Variants in DSTYK observed in about 807,000 individuals in gnomAD.
DSTYK encodes the protein RIP-homologous kinase.
In DSTYK, 34 loss-of-function variants were observed where a neutral mutation model predicts 98.7. The observed-to-expected ratio is 0.34, with a 90% CI of 0.26 to 0.46. The LOEUF (loss-of-function observed/expected upper bound fraction) is 0.46, where lower values mean the gene tolerates loss of function less well. Ranked by LOEUF, DSTYK falls within the 20% of genes least tolerant of loss-of-function variation. The pLI, the probability that DSTYK is intolerant of heterozygous loss-of-function variation, is 1.00. For missense variants in DSTYK, 962 were observed against 1,181.7 expected, an observed-to-expected ratio of 0.81 and a Z score of 2.73; for synonymous variants, 462 against 457.3, an observed-to-expected ratio of 1.01 and a Z score of -0.13.
chr1:205,195,940 G>C (rs1658853053), intron 1 of DSTYK, among the ~76,000 whole-genome samples: 1 of 152,234 alleles, frequency 6.6e-6, no homozygotes, highest in South Asian at 2.1e-4. Flanking sequence ...CGCAGAGATG[G>C]AAGTAGTTCC....
chr1:205,186,316 G>A (rs944800157), intron 2 of DSTYK, among the ~76,000 whole-genome samples: 9 of 152,198 alleles, frequency 5.9e-5, no homozygotes, highest in African/African-American at 2.2e-4. Context: ...CACTGAAACT[G>A]AGCTGAGAGA....
At position 205,169,407 on chromosome 1, in the gene DSTYK, C is replaced by T. The variant is rs764466450; in HGVS notation, c.1080G>A (p.Lys360=). The change falls in exon 3 of 13, where the codon AAG becomes AAA. Residue 360 remains lysine (K), a synonymous_variant. Transcript: ENST00000367162. The surrounding 1 kb of genome is among the most constrained non-coding windows in gnomAD (Gnocchi z 4.0). ...VLQTRLVDAA[K]ALNLVHCHCL... ...AGTGGCAGTGCACCAGGTTCAGGGC[C>T]TTGGCTGCATCCACCAGGCGAGTCT... 5.6e-6 allele frequency: 9 copies of T among 1,614,168 alleles called. No homozygotes were observed. In the South Asian group the frequency reaches 7.7e-5, roughly 14 times the overall value.
At chr1:205,182,054 A>G (rs1313147837) in intron 2 of DSTYK, among the ~76,000 whole-genome samples, 2 of 152,156 alleles carry the variant, frequency 1.3e-5, no homozygotes, top group Non-Finnish European at 2.9e-5. Context: ...ATTTTAAAAT[A>G]GCAATATCTG....
chr1:205,195,648 G>A (rs777076657), intron 1 of DSTYK, among the ~76,000 whole-genome samples: 2 of 152,206 alleles, frequency 1.3e-5, no homozygotes, highest in South Asian at 2.1e-4. Flanking sequence ...CAAAGCTCTC[G>A]CTGGAATCGG....
Position 205,211,672 on chromosome 1 carries a change from T to G in DSTYK, c.-137A>C. ...CCTGCAGTCAGCCTGGCTCCCAACC[T>G]CCGTCACTGCCGTTGCAAACAAACC... On this transcript the variant is annotated 5_prime_UTR_variant, in exon 1 of 13. Coordinates refer to ENST00000367162, the MANE Select transcript of DSTYK (RefSeq NM_015375.3). 8.3e-7 allele frequency: 1 copy of G among 1,205,032 alleles called. No homozygotes were observed. The highest frequency in any genetic ancestry group is 2.9e-5 in the East Asian group (1 of 33,932). The allele number at this position is 1,205,032 out of a possible 1,614,324, so 74.6% of individuals were successfully genotyped here. A position where few individuals can be genotyped will look rare whatever the true frequency, so the allele number is the denominator to read the frequency against.
intron 10 of DSTYK, among the ~76,000 whole-genome samples, chr1:205,152,343 A>G (rs1169613268): frequency 6.6e-6 from 1 of 152,106 alleles, no homozygotes; most frequent in African/African-American, 2.4e-5. Flanking sequence ...ACACCCAGCT[A>G]ATTTTGTATT....
At position 205,187,744 on chromosome 1, in the gene DSTYK, A is replaced by G. The variant is rs750402479; in HGVS notation, c.328T>C (p.Cys110Arg). The change falls in exon 2 of 13, where the codon TGC becomes CGC. Residue 110 changes from cysteine (C) to arginine (R), a missense_variant. Physicochemically the swap from Cys to Arg is radical, Grantham distance 180. Around this residue, in one of 4 missense-constraint regions of DSTYK, gnomAD observed 660 missense variants for 855.0 expected, o/e 0.77. Coordinates refer to ENST00000367162, the MANE Select transcript of DSTYK (RefSeq NM_015375.3). ...CCGAGGATCAGTATGCAAGGGAGGC[A>G]GTCCACAATCTGCTGGAGGTACTTC... ...EEKYLQQIVD[C>R]LPCILILGQD... 1.2e-6 allele frequency: 2 copies of G among 1,614,224 alleles called. No individual in the cohort carries two copies. The highest frequency in any genetic ancestry group is 2.2e-5 in the South Asian group (2 of 91,088).
chr1:205,163,432 T>G (rs1558605383), intron 4 of DSTYK, among the ~76,000 whole-genome samples: 9 of 152,090 alleles, frequency 5.9e-5, no homozygotes, highest in Non-Finnish European at 1.3e-4. Flanking sequence ...TTGGTCAGGC[T>G]GGTCTCCAAC....
chr1:205,147,391 C>G lies in DSTYK; in HGVS notation c.*167G>C. ...GCTGAATATGCTCAGTCATTCAACTCTTCACTGTCCAGGAGTCATCCCTGC... is the reference window on the plus strand; with the variant it reads ...GCTGAATATGCTCAGTCATTCAACTGTTCACTGTCCAGGAGTCATCCCTGC... On this transcript the variant is annotated 3_prime_UTR_variant, in exon 13 of 13. Transcript: ENST00000367162. 6.7e-6 allele frequency: 4 copies of G among 592,990 alleles called. No individual in the cohort carries two copies. The highest frequency in any genetic ancestry group is 1.1e-5 in the Non-Finnish European group (4 of 359,066). The allele number at this position is 592,990 out of a possible 1,614,324, so 36.7% of individuals were successfully genotyped here.
intron 9 of DSTYK, among the ~76,000 whole-genome samples, chr1:205,159,025 T>G (rs1027421954): frequency 6.6e-6 from 1 of 152,108 alleles, no homozygotes; most frequent in Admixed American, 6.5e-5. Context: ...GGGGTCTGAG[T>G]GGTGATGACA....
intron 9 of DSTYK, among the ~76,000 whole-genome samples, chr1:205,159,304 G>A (rs1040314564): frequency 3.3e-5 from 5 of 152,082 alleles, no homozygotes; most frequent in African/African-American, 7.2e-5. Flanking sequence ...GCCCAGACTC[G>A]TCTCAAACTC....
rs1657805982 is a variant in DSTYK, at chr1:205,163,797, G to A, written c.1483C>T (p.Leu495=). The A allele has an allele frequency of 6.2e-7, 1 of 1,613,980 alleles. No homozygotes were observed. Among genetic ancestry groups the A allele is most frequent in the African/African-American group, 1.3e-5 (1 of 74,902 alleles). ...TCCAGGCTCTGCAGACATCGTTCCA[G>A]GGTTCCGACGAAGCTTTCCCTCAGG... ...DYLRESFVGT[L]ERCLQSLEKS... is the part of the protein sequence containing the mutation. The change falls in exon 4 of 13, where the codon CTG becomes TTG. Residue 495 remains leucine, a synonymous_variant. Transcript: ENST00000367162.
chr1:205,160,573 T>C (rs1283851624), intron 7 of DSTYK, among the ~76,000 whole-genome samples: 1 of 152,046 alleles, frequency 6.6e-6, no homozygotes, highest in South Asian at 2.1e-4. Flanking sequence ...TGGGCTCAAG[T>C]GATCCACCCA....
chr1:205,194,400 A>G (rs943403147), intron 1 of DSTYK, among the ~76,000 whole-genome samples: 2 of 152,182 alleles, frequency 1.3e-5, no homozygotes, highest in Admixed American at 1.3e-4. Context: ...GTGAAATAGA[A>G]AATGCTTTTG....
intron 6 of DSTYK, among the ~76,000 whole-genome samples, chr1:205,161,665 AGTTGGAAAGTCATGTCCTTCT>A (rs1358326841): frequency 6.6e-6 from 1 of 152,186 alleles, no homozygotes; most frequent in Non-Finnish European, 1.5e-5. Context: ...GAAATATAGA[AGTTGGAAAGTCATGTCCTTCT>A]GTCATTTGTT....
chr1:205,207,101 CAG>C (rs1413538861), intron 1 of DSTYK, among the ~76,000 whole-genome samples: 3 of 140,766 alleles, frequency 2.1e-5, no homozygotes, highest in African/African-American at 7.7e-5. Flanking sequence ...TTTTTTGAGA[CAG>C]AGTCTTGCTG....
intron 4 of DSTYK, 130 bp from the exon 5 acceptor site, chr1:205,163,136 C>T: frequency 1.4e-6 from 1 of 734,264 alleles, no homozygotes. Context: ...AATATATATG[C>T]AGAGTCAACT....
rs780814100 is a variant in DSTYK at position 205,162,937 on chromosome 1, C to T, written c.1627G>A (p.Glu543Lys). The T allele has an allele frequency of 5.6e-6, 9 of 1,613,520 alleles. No homozygotes were observed. Among genetic ancestry groups the T allele is most frequent in the Non-Finnish European group, 6.8e-6 (8 of 1,179,482 alleles). Residue 543 changes from glutamate to lysine, a missense_variant, in exon 5 of 13, where the codon GAG becomes AAG. Physicochemically the swap from Glu to Lys is moderately conservative, Grantham distance 56. Around this residue, in one of 4 missense-constraint regions of DSTYK, gnomAD observed 660 missense variants for 855.0 expected, o/e 0.77. Transcript: ENST00000367162. Reference protein sequence around the residue: ...SGSSVTRMLWEQIKQIIQRIT... With the variant: ...SGSSVTRMLWKQIKQIIQRIT... The stretch of plus-strand genomic sequence containing the variant: ...ATAATCCCTACCTGTTTGATTTGCT[C>T]CCATAGCATCCTTGTAACTGACGAC...
chr1:205,161,596 ACT>A (rs1432760880), intron 6 of DSTYK, among the ~76,000 whole-genome samples: 12 of 152,048 alleles, frequency 7.9e-5, no homozygotes, highest in Non-Finnish European at 1.5e-5. Context: ...ACATCTATCC[ACT>A]CTCTGCCTGG....
Sources: gnomAD v4.1 joint callset for allele counts (sites outside exome capture counted in the v4.1 genomes callset) on GRCh38, gnomAD v4.1.1 for gene constraint, gnomAD v4.1.1 regional missense constraint, Gnocchi (gnomAD v3.1) non-coding constraint, MANE v1.5 for transcripts, NCBI Gene and HGNC (gene_info 2026-07-23, HGNC 2026-07-21) for gene names.